The following ARSK variants were observed in gnomAD, a reference collection of about 807,000 sequenced individuals.
The protein encoded by ARSK is arylsulfatase K.
ARSK carries 37 observed loss-of-function variants against 53.2 expected under a neutral mutation model. That is an observed-to-expected ratio of 0.70 (90% CI 0.54 to 0.92). The LOEUF (loss-of-function observed/expected upper bound fraction) is 0.92, where lower values mean the gene tolerates loss of function less well. Among genes scored for constraint, ARSK ranks in the 40% least tolerant of loss-of-function variants. The probability of loss-of-function intolerance (pLI) is 0.00; values close to 1 mark genes in which losing one functional copy is unlikely to be tolerated. For missense variants in ARSK, 613 were observed against 643.0 expected (o/e 0.95, Z 0.51); for synonymous variants, 208 against 223.2 (o/e 0.93, Z 0.61).
At position 95,555,171 on chromosome 5, in the gene ARSK, A is replaced by G; in HGVS notation, c.-108A>G. ...CTCGGCGTTACTATCAAGCAACCAA[A>G]CTGCAAGCTTTGGGAGTTGTTCGCT... On this transcript the variant is annotated 5_prime_UTR_variant, in exon 1 of 8. Coordinates refer to ENST00000380009, the MANE Select transcript of ARSK (RefSeq NM_198150.3). This position sits in a 1 kb window ranked among gnomAD's most constrained non-coding sequence, Gnocchi z 4.0. The G allele has an allele frequency of 2.7e-6, 3 of 1,100,606 alleles. No homozygotes were observed. Among genetic ancestry groups the G allele is most frequent in the Admixed American group, 2.4e-5 (1 of 41,982 alleles). The allele number at this position is 1,100,606 out of a possible 1,614,324, so 68.2% of individuals were successfully genotyped here. A position where few individuals can be genotyped will look rare whatever the true frequency, so the allele number is the denominator to read the frequency against.
At position 95,604,365 on chromosome 5, in the gene ARSK, G is replaced by C. The variant is rs1365762397; in HGVS notation, c.*839G>C. On this transcript the variant is annotated 3_prime_UTR_variant, in exon 8 of 8. Coordinates refer to ENST00000380009, the MANE Select transcript of ARSK (RefSeq NM_198150.3). ...GGTTAACAGTGATCGTGAAGTCTCT[G>C]TCCTTTCCCTCTTCCCTGCCATCCA... The C allele has an allele frequency of 6.6e-6, 1 of 152,170 alleles. No individual in the cohort carries two copies. Among genetic ancestry groups the C allele is most frequent in the African/African-American group, 2.4e-5 (1 of 41,440 alleles). The allele number at this position is 152,170 out of a possible 1,614,324, so 9.4% of individuals were successfully genotyped here. A position where few individuals can be genotyped will look rare whatever the true frequency, so the allele number is the denominator to read the frequency against.
intron 6 of ARSK, among the ~76,000 whole-genome samples, chr5:95,596,856 G>A (rs1382208164): frequency 6.6e-6 from 1 of 151,772 alleles, no homozygotes; most frequent in African/African-American, 2.4e-5. Flanking sequence ...TTAAAAGAGT[G>A]GTTTTTTTAA....
chr5:95,563,699 A>G (rs1428182819), intron 1 of ARSK, among the ~76,000 whole-genome samples: 1 of 152,202 alleles, frequency 6.6e-6, no homozygotes, highest in Non-Finnish European at 1.5e-5. Flanking sequence ...AGTTACACCA[A>G]TTTGAACCTA....
In ARSK at chr5:95,583,755, T is replaced by C. The variant is rs1481950037; in HGVS notation, c.699+557T>C. On this transcript the variant is annotated intron_variant, in intron 4 of 7. Coordinates refer to ENST00000380009, the MANE Select transcript of ARSK (RefSeq NM_198150.3). ...TTGAAGAGTGCTTGCCTTCTCATCA[T>C]AAAACTTATGATACAGAGAAAGCAT... 2.0e-5 allele frequency among the ~76,000 whole-genome samples: 3 copies of C among 152,206 alleles called. No individual in the cohort carries two copies. In the East Asian group the frequency reaches 5.8e-4, roughly 29 times the overall value.
intron 5 of ARSK, among the ~76,000 whole-genome samples, chr5:95,590,711 T>C (rs1749197886): frequency 6.6e-6 from 1 of 152,216 alleles, no homozygotes; most frequent in South Asian, 2.1e-4. Flanking sequence ...CCCTTCTCTC[T>C]GGCCTGTGCT....
At chr5:95,570,703 AT>A (rs1408112738) in intron 3 of ARSK, among the ~76,000 whole-genome samples, 2 of 152,222 alleles carry the variant, frequency 1.3e-5, no homozygotes, top group African/African-American at 2.4e-5. Context: ...CCTGGCACAG[AT>A]TAAGCATTTA....
intron 3 of ARSK, among the ~76,000 whole-genome samples, chr5:95,573,139 A>AT (rs1436257673): frequency 6.6e-6 from 1 of 152,198 alleles, no homozygotes; most frequent in Non-Finnish European, 1.5e-5. Flanking sequence ...GGTCTTAGGA[A>AT]TGTCACACTT....
chr5:95,563,516 C>T (rs1336875165), intron 1 of ARSK, among the ~76,000 whole-genome samples: 2 of 152,222 alleles, frequency 1.3e-5, no homozygotes, highest in African/African-American at 4.8e-5. Context: ...CAGTCGCCCC[C>T]TCCCTTTCTG....
rs1749457078 is a variant in ARSK, at chr5:95,603,894, A to T, written c.*368A>T. ...TGTACTCCAGCCTGGCAACAGAGTG[A>T]GACTGTGTCGCAAAAAAATAAAAAT... On this transcript the variant is annotated 3_prime_UTR_variant, in exon 8 of 8. Transcript: ENST00000380009. 6.5e-6 allele frequency: 1 copy of T among 153,894 alleles called. No homozygotes were observed. The allele number at this position is 153,894 out of a possible 1,614,324, so 9.5% of individuals were successfully genotyped here.
At chr5:95,558,914 G>A (rs907880966) in intron 1 of ARSK, among the ~76,000 whole-genome samples, 23 of 152,342 alleles carry the variant, frequency 1.5e-4, no homozygotes, top group African/African-American at 4.8e-4. Context: ...ACCGAGGTGG[G>A]TGGATCACCT....
At chr5:95,579,329 G>A (rs1748982203) in intron 3 of ARSK, among the ~76,000 whole-genome samples, 1 of 152,146 alleles carries the variant, frequency 6.6e-6, no homozygotes, top group African/African-American at 2.4e-5. Context: ...GAGGTTTAAT[G>A]GACTCACAGT....
rs1364028378 is a variant in ARSK, at chr5:95,582,974, C to A, written c.475C>A (p.Pro159Thr). 6.2e-7 allele frequency: 1 copy of A among 1,612,754 alleles called. No individual in the cohort carries two copies. Among genetic ancestry groups the A allele is most frequent in the Non-Finnish European group, 8.5e-7 (1 of 1,179,186 alleles). ...TTTCTTACTCAGACAAGAAGGCAGG[C>A]CCATGGTTAATCTTATCCGTAACAG... ...VAFLLRQEGRPMVNLIRNRTK... is the reference protein window; with the variant it reads ...VAFLLRQEGRTMVNLIRNRTK... Residue 159 changes from proline (P) to threonine (T), a missense_variant, in exon 4 of 8, where the codon CCC becomes ACC. Physicochemically the swap from Pro to Thr is conservative, Grantham distance 38 (BLOSUM62 -1). Transcript: ENST00000380009.
At chr5:95,560,580 G>C (rs1748612239) in intron 1 of ARSK, among the ~76,000 whole-genome samples, 1 of 151,404 alleles carries the variant, frequency 6.6e-6, no homozygotes. Flanking sequence ...AGGGTGCCAA[G>C]ACCATTTAAT....
rs573066940 is a variant in ARSK at position 95,555,592 on chromosome 5, A to G, written c.126+188A>G. Reference sequence around the variant, plus strand: ...CACACGTACACCACATACCTATGCAAACATGTAAAACAATAGTGAAACACT... The same window carrying G: ...CACACGTACACCACATACCTATGCAGACATGTAAAACAATAGTGAAACACT... On this transcript the variant is annotated intron_variant, in intron 1 of 7. Transcript: ENST00000380009. The surrounding 1 kb of genome is among the most constrained non-coding windows in gnomAD (Gnocchi z 4.0). Among the ~76,000 whole-genome samples, 118 of 152,344 alleles carry G rather than the reference A, an allele frequency of 7.7e-4. No individual in the cohort carries two copies. Among genetic ancestry groups the G allele is most frequent in the Admixed American group, 6.7e-3 (102 of 15,304 alleles).
chr5:95,566,145 A>G lies in ARSK; in HGVS notation c.256+18A>G, dbSNP rs753245140. On this transcript the variant is annotated intron_variant, in intron 2 of 7. Coordinates refer to ENST00000380009, the MANE Select transcript of ARSK (RefSeq NM_198150.3). ...ACGCGCAGGTATGAACATCCTTAAT[A>G]TGAATGGGAGAAAGTGGCTACACAC... The G allele has an allele frequency of 7.5e-6, 12 of 1,610,610 alleles. No individual in the cohort carries two copies. In the Middle Eastern group the frequency reaches 5.0e-4, roughly 67 times the overall value.
At chr5:95,566,217 G>T in intron 2 of ARSK, 90 bp downstream of exon 2, 1 of 1,473,194 alleles carries the variant, frequency 6.8e-7, no homozygotes, top group Non-Finnish European at 9.2e-7. Flanking sequence ...AAGTAGAATA[G>T]TTGTATTTGG....
At chr5:95,600,613 C>T (rs760129192) in intron 6 of ARSK, 1 of 656,184 alleles carries the variant, frequency 1.5e-6, no homozygotes, top group South Asian at 1.5e-5. Flanking sequence ...TGTGGTCATC[C>T]CCTTCTTACA....
intron 7 of ARSK, among the ~76,000 whole-genome samples, chr5:95,601,627 C>G (rs934863647): frequency 6.6e-6 from 1 of 152,166 alleles, no homozygotes; most frequent in Admixed American, 6.6e-5. Context: ...CTTCACTACT[C>G]TATGAATTAA....
intron 3 of ARSK, among the ~76,000 whole-genome samples, chr5:95,573,071 T>A (rs1748862146): frequency 6.6e-6 from 1 of 152,204 alleles, no homozygotes; most frequent in South Asian, 2.1e-4. Flanking sequence ...CCAAAATGTC[T>A]TTAGTATAGA....
Sources: allele counts gnomAD v4.1 joint callset (sites outside exome capture counted in the v4.1 genomes callset), GRCh38; gene constraint gnomAD v4.1.1; non-coding constraint Gnocchi (gnomAD v3.1); transcripts MANE v1.5; gene names NCBI Gene and HGNC (gene_info 2026-07-23, HGNC 2026-07-21).